VWF: variants seen among roughly 807,000 people sequenced by gnomAD.
VWF encodes the protein von Willebrand factor.
In VWF, 176 loss-of-function variants were observed where a neutral mutation model predicts 308.6. That is an observed-to-expected ratio of 0.57 (90% CI 0.50 to 0.65). The LOEUF is 0.65. VWF is among the 30% of genes least tolerant of loss of function. The pLI, the probability that VWF is intolerant of heterozygous loss-of-function variation, is 0.00. For synonymous variants in VWF, 1,385 were observed against 1,443.4 expected (o/e 0.96, Z 0.92); for missense variants, 3,146 against 3,648.2 (o/e 0.86, Z 3.55).
chr12:5,969,080 C>A, intron 45 of VWF, 131 bp downstream of exon 45: 1 of 993,332 alleles, frequency 1.0e-6, no homozygotes, highest in Non-Finnish European at 1.5e-6. Context: ...GCAGTAGGAG[C>A]AGATGGGAAG....
At chr12:6,096,242 C>T (rs2054101226) in intron 5 of VWF, among the ~76,000 whole-genome samples, 1 of 152,134 alleles carries the variant, frequency 6.6e-6, no homozygotes, top group South Asian at 2.1e-4. Context: ...CTTCATGTGC[C>T]TTTCTCCCTC....
chr12:6,026,486 T>A (rs1271798478), intron 22 of VWF, among the ~76,000 whole-genome samples: 1 of 151,980 alleles, frequency 6.6e-6, no homozygotes, highest in Non-Finnish European at 1.5e-5. Flanking sequence ...GGAAGGTGAG[T>A]CCCCTTGCCT....
intron 20 of VWF, among the ~76,000 whole-genome samples, chr12:6,032,507 G>A (rs775189009): frequency 3.3e-5 from 5 of 150,548 alleles, no homozygotes; most frequent in East Asian, 3.9e-4. Flanking sequence ...GCGTGGTGGC[G>A]GGCGCCTGTA....
chr12:6,056,824 G>T, intron 15 of VWF, 33 bp downstream of exon 15: 1 of 1,354,208 alleles, frequency 7.4e-7, no homozygotes, highest in Non-Finnish European at 9.4e-7. Flanking sequence ...TTGGGGGGCG[G>T]CCCGGAGGGC....
rs201997399 is a variant in VWF, at chr12:5,984,002, A to G, written c.6977-748T>C. ...TAGATAGATAGATAGATAGATAGAT[A>G]GATAGATAGATAGATAGACAGACAG... On this transcript the variant is annotated intron_variant, in intron 40 of 51. Coordinates refer to ENST00000261405, the MANE Select transcript of VWF (RefSeq NM_000552.5). Among the ~76,000 whole-genome samples, 317 of 120,694 alleles carry G rather than the reference A, an allele frequency of 2.6e-3. 1 individual carries two copies. Among genetic ancestry groups the G allele is most frequent in the Non-Finnish European group, 4.5e-3 (251 of 55,626 alleles). The allele number at this position is 120,694 out of a possible 152,430, so 79.2% of individuals were successfully genotyped here. A position where few individuals can be genotyped will look rare whatever the true frequency, so the allele number is the denominator to read the frequency against.
Position 5,995,985 on chromosome 12 carries a change from C to G in VWF, c.6063+17G>C. The G allele has an allele frequency of 6.2e-7, 1 of 1,610,844 alleles. No homozygotes were observed. Among genetic ancestry groups the G allele is most frequent in the Non-Finnish European group, 8.5e-7 (1 of 1,179,192 alleles). ...ATTCTATTGCCTTACCACGGATCCACAGAAAGTACTTCTCACCTCCATGTC... is the reference window on the plus strand; with the variant it reads ...ATTCTATTGCCTTACCACGGATCCAGAGAAAGTACTTCTCACCTCCATGTC... On this transcript the variant is annotated intron_variant, in intron 35 of 51. Coordinates refer to ENST00000261405, the MANE Select transcript of VWF (RefSeq NM_000552.5).
chr12:6,084,159 C>T (rs142599029), intron 6 of VWF, among the ~76,000 whole-genome samples: 1 of 152,340 alleles, frequency 6.6e-6, no homozygotes, highest in East Asian at 1.9e-4. Flanking sequence ...TAGATGGTTT[C>T]TGCAAAATGA....
intron 27 of VWF, chr12:6,021,389 G>A (rs530374648): frequency 6.1e-6 from 1 of 163,586 alleles, no homozygotes; most frequent in African/African-American, 2.4e-5. Flanking sequence ...CAAGTCCAGT[G>A]AGAAGCCAGG....
At position 6,018,678 on chromosome 12, in the gene VWF, C is replaced by G; in HGVS notation, c.4740G>C (p.Leu1580=). The G allele has an allele frequency of 6.2e-7, 1 of 1,613,790 alleles. No homozygotes were observed. Among genetic ancestry groups the G allele is most frequent in the African/African-American group, 1.3e-5 (1 of 75,032 alleles). Residue 1580 remains leucine (L), a synonymous_variant, in exon 28 of 52, where the codon CTG becomes CTC. Transcript: ENST00000261405. ...TGTGGTCAGAGAGGTACCGCAGGGC[C>G]AGCCCAGTGTTGGTCCTGTTGCCGC... ...YQGGNRTNTG[L]ALRYLSDHSF... is the part of the protein sequence containing the mutation.
chr12:6,076,231 C>A (rs1275307493), intron 6 of VWF, among the ~76,000 whole-genome samples: 1 of 152,212 alleles, frequency 6.6e-6, no homozygotes, highest in Admixed American at 6.5e-5. Context: ...AACCTGATAA[C>A]ACAGGCAGCT....
At chr12:6,036,567 G>A in intron 18 of VWF, 76 bp from the exon 19 acceptor site, 1 of 1,402,618 alleles carries the variant, frequency 7.1e-7, no homozygotes, top group Non-Finnish European at 1.0e-6. Context: ...GCTCCAGGAA[G>A]TGTTGTCTGA....
Position 6,040,595 on chromosome 12 carries a change from T to A in VWF, c.2442+3696A>T, listed in dbSNP as rs376979854. 1.3e-4 allele frequency among the ~76,000 whole-genome samples: 20 copies of A among 152,282 alleles called. No homozygotes were observed. In the East Asian group the frequency reaches 2.1e-3, roughly 16 times the overall value. On this transcript the variant is annotated intron_variant, in intron 18 of 51. Transcript: ENST00000261405. ...GATGTTAAGTGACTTGCCACTCACT[T>A]AAGTAGATGTTAGGAGGCAGGATTC...
chr12:6,054,805 T>G (rs1031112450), intron 15 of VWF, among the ~76,000 whole-genome samples: 1 of 152,180 alleles, frequency 6.6e-6, no homozygotes, highest in Admixed American at 6.5e-5. Context: ...TACGAATAGA[T>G]TCACTGGTTT....
intron 20 of VWF, among the ~76,000 whole-genome samples, chr12:6,033,352 C>A (rs1321068409): frequency 6.6e-6 from 1 of 152,234 alleles, no homozygotes; most frequent in African/African-American, 2.4e-5. Context: ...AAGCCACACA[C>A]AAGGGGCACC....
At chr12:5,990,391 A>G (rs1343349988) in intron 38 of VWF, among the ~76,000 whole-genome samples, 2 of 152,168 alleles carry the variant, frequency 1.3e-5, no homozygotes, top group Non-Finnish European at 2.9e-5. Flanking sequence ...GGGGAGAATC[A>G]TATAAAATGG....
chr12:6,029,341 C>G lies in VWF; in HGVS notation c.2967+1G>C. 1 of 1,614,076 alleles carries G rather than the reference C, an allele frequency of 6.2e-7. No homozygotes were observed. ...CAAGATGAAGCAAGAAAGCCACTGACCTGGTATGTCTGCTTCAGGACCACG... is the reference window on the plus strand; with the variant it reads ...CAAGATGAAGCAAGAAAGCCACTGAGCTGGTATGTCTGCTTCAGGACCACG... On this transcript the variant is annotated splice_donor_variant, in intron 22 of 51. Transcript: ENST00000261405. LOFTEE classifies it high-confidence loss of function.
chr12:6,059,699 C>T (rs1944632412), intron 13 of VWF, among the ~76,000 whole-genome samples: 1 of 152,210 alleles, frequency 6.6e-6, no homozygotes, highest in South Asian at 2.1e-4. Flanking sequence ...CTCGTAACAC[C>T]ATCACCTTGG....
chr12:5,998,498 A>AT (rs1430337243), intron 34 of VWF, among the ~76,000 whole-genome samples: 2 of 30,944 alleles, frequency 6.5e-5, no homozygotes, highest in Non-Finnish European at 1.0e-4. Context: ...AAAAAAAAAA[A>AT]ATATATATAT....
intron 8 of VWF, among the ~76,000 whole-genome samples, chr12:6,073,282 T>C (rs1211794450): frequency 6.6e-6 from 1 of 152,140 alleles, no homozygotes; most frequent in East Asian, 1.9e-4. Context: ...CCAGGAGATC[T>C]TTTTCCCAGA....
Sources: allele counts gnomAD v4.1 joint callset (sites outside exome capture counted in the v4.1 genomes callset), GRCh38; gene constraint gnomAD v4.1.1; transcripts MANE v1.5; gene names NCBI Gene and HGNC (gene_info 2026-07-23, HGNC 2026-07-21).